BRINP1: variants seen among roughly 807,000 people sequenced by gnomAD.
BRINP1 encodes the protein BMP/retinoic acid-inducible neural-specific protein 1.
A neutral mutation model predicts 72.9 loss-of-function variants in BRINP1; 17 were observed. The ratio of observed to expected loss-of-function variants is 0.23; its 90% CI spans 0.16 to 0.35. The LOEUF (loss-of-function observed/expected upper bound fraction) is 0.35. Ranked by LOEUF, BRINP1 falls within the 10% of genes least tolerant of loss-of-function variation. The pLI is 1.00. For missense variants in BRINP1, 850 were observed against 1,001.6 expected, an observed-to-expected ratio of 0.85 and a Z score of 2.04; for synonymous variants, 418 against 378.5, an observed-to-expected ratio of 1.10 and a Z score of -1.21.
At chr9:119,305,787 C>T (rs1411401783) in intron 2 of BRINP1, among the ~76,000 whole-genome samples, 1 of 152,150 alleles carries the variant, frequency 6.6e-6, no homozygotes, top group African/African-American at 2.4e-5. Flanking sequence ...CAGTCAGTCT[C>T]CCCCAAAGAG....
At chr9:119,169,449 A>G (rs1829372285) in intron 7 of BRINP1, among the ~76,000 whole-genome samples, 1 of 152,200 alleles carries the variant, frequency 6.6e-6, no homozygotes. Flanking sequence ...GCACCGCGAG[A>G]TTATATTACC....
chr9:119,364,602 G>A (rs1831672831), intron 1 of BRINP1, among the ~76,000 whole-genome samples: 1 of 152,172 alleles, frequency 6.6e-6, no homozygotes, highest in African/African-American at 2.4e-5. Flanking sequence ...TAACTCAGTG[G>A]TCCAGTGAAA....
Position 119,194,845 on chromosome 9 carries a change from A to G in BRINP1, c.1145+13874T>C, listed in dbSNP as rs553893488. Reference sequence around the variant, plus strand: ...ATTTCAGCCTGTGAAGCATAAAGTGAAGACCCAGCTATACCATACCTAAAC... The same window carrying G: ...ATTTCAGCCTGTGAAGCATAAAGTGGAGACCCAGCTATACCATACCTAAAC... On this transcript the variant is annotated intron_variant, in intron 7 of 7. Coordinates refer to ENST00000265922, the MANE Select transcript of BRINP1 (RefSeq NM_014618.3). Among the ~76,000 whole-genome samples, 214 of 152,300 alleles carry G rather than the reference A, an allele frequency of 1.4e-3. 1 individual carries two copies. Among genetic ancestry groups the G allele is most frequent in the Non-Finnish European group, 2.0e-3 (139 of 68,026 alleles).
chr9:119,284,028 CA>C (rs1426350509), intron 2 of BRINP1, among the ~76,000 whole-genome samples: 1 of 152,132 alleles, frequency 6.6e-6, no homozygotes, highest in Non-Finnish European at 1.5e-5. Context: ...CGAATGAATC[CA>C]AATCTATAGT....
In BRINP1 at chr9:119,208,703, T is replaced by G; in HGVS notation, c.1145+16A>C. 4 of 1,610,162 alleles carry G rather than the reference T, an allele frequency of 2.5e-6. No individual in the cohort carries two copies. Among genetic ancestry groups the G allele is most frequent in the Non-Finnish European group, 3.4e-6 (4 of 1,178,230 alleles). The stretch of plus-strand genomic sequence containing the variant: ...AGGTAGGTGCCTGCAGAGGTGGAGG[T>G]GGTGGCAACACTTACCTCTCTCTAG... On this transcript the variant is annotated intron_variant, in intron 7 of 7. Transcript: ENST00000265922.
At chr9:119,227,172 G>A (rs1830100975) in intron 5 of BRINP1, among the ~76,000 whole-genome samples, 1 of 152,042 alleles carries the variant, frequency 6.6e-6, no homozygotes, top group Non-Finnish European at 1.5e-5. Context: ...CCAAATAAAT[G>A]AAGAACAATA....
In BRINP1 at chr9:119,318,844, GGTGTGTGTGT is replaced by G. The variant is rs56756136; in HGVS notation, c.-50-5449_-50-5440del. ...TCATACATGGAAGAGAAATGTGTGGGGTGTGTGTGTGTGTGTGTGTGTGTGTGTGTGTGTG... is the reference window on the plus strand; with the variant it reads ...TCATACATGGAAGAGAAATGTGTGGGGTGTGTGTGTGTGTGTGTGTGTGTG... On this transcript the variant is annotated intron_variant, in intron 1 of 7. Coordinates refer to ENST00000265922, the MANE Select transcript of BRINP1 (RefSeq NM_014618.3). Among the ~76,000 whole-genome samples the G allele has an allele frequency of 2.5e-3, 359 of 142,214 alleles. 2 individuals carry two copies. The highest frequency in any genetic ancestry group is 4.4e-3 in the Non-Finnish European group (284 of 63,988). 93.3% of individuals were successfully genotyped at this position (142,214 alleles called of 152,430 possible). A position where few individuals can be genotyped will look rare whatever the true frequency, so the allele number is the denominator to read the frequency against.
At chr9:119,238,783 T>C (rs768761353) in intron 4 of BRINP1, 23 bp from the exon 5 acceptor site, 2 of 1,481,604 alleles carry the variant, frequency 1.3e-6, no homozygotes, top group East Asian at 4.7e-5. Context: ...TCAAATAAGA[T>C]AGGTGTGAGA....
At chr9:119,264,481 TAG>T (rs907331166) in intron 2 of BRINP1, among the ~76,000 whole-genome samples, 56 of 152,340 alleles carry the variant, frequency 3.7e-4, no homozygotes, top group African/African-American at 1.3e-3. Context: ...ATGAGACAAA[TAG>T]GAAACTCTCT....
At chr9:119,263,037 G>T (rs1363272027) in intron 2 of BRINP1, among the ~76,000 whole-genome samples, 1 of 152,078 alleles carries the variant, frequency 6.6e-6, no homozygotes, top group Non-Finnish European at 1.5e-5. Context: ...CATATAAGTA[G>T]AACTTCTCAG....
rs190178927 is a variant in BRINP1 at position 119,254,464 on chromosome 9, G to A, written c.219-5314C>T. Among the ~76,000 whole-genome samples, 6 of 152,266 alleles carry A rather than the reference G, an allele frequency of 3.9e-5. No homozygotes were observed. In the East Asian group the frequency reaches 7.7e-4, roughly 20 times the overall value. ...ATAACAGCAAATGCAAAGGTCCTGGGGTGGAAATGTGTTTGACACATTTGG... is the reference window on the plus strand; with the variant it reads ...ATAACAGCAAATGCAAAGGTCCTGGAGTGGAAATGTGTTTGACACATTTGG... On this transcript the variant is annotated intron_variant, in intron 2 of 7. Transcript: ENST00000265922.
chr9:119,248,906 C>T (rs112945016), intron 3 of BRINP1, 54 bp downstream of exon 3: 3 of 1,499,356 alleles, frequency 2.0e-6, no homozygotes, highest in African/African-American at 2.8e-5. Flanking sequence ...CTCTCCCTTC[C>T]CATCCCAAAC....
rs1456784254 is a variant in BRINP1, at chr9:119,167,784, T to C, written c.1586A>G (p.Lys529Arg). 6.2e-7 allele frequency: 1 copy of C among 1,614,064 alleles called. No individual in the cohort carries two copies. Among genetic ancestry groups the C allele is most frequent in the East Asian group, 2.2e-5 (1 of 44,854 alleles). ...GAAGTCCATGCGGTTCTTGTTGCTC[T>C]TGAGAGTGAGGGACATGCGCTTGCG... Reference protein sequence around the residue: ...RWRKRMSLTLKSNKNRMDFIH... With the variant: ...RWRKRMSLTLRSNKNRMDFIH... Residue 529 changes from lysine to arginine, a missense_variant, in exon 8 of 8, where the codon AAG becomes AGG. Lys to Arg is a conservative substitution (Grantham distance 26). Coordinates refer to ENST00000265922, the MANE Select transcript of BRINP1 (RefSeq NM_014618.3). This position sits in a 1 kb window ranked among gnomAD's most constrained non-coding sequence, Gnocchi z 4.3.
intron 2 of BRINP1, among the ~76,000 whole-genome samples, chr9:119,304,909 A>T (rs1830979086): frequency 6.6e-6 from 1 of 152,144 alleles, no homozygotes; most frequent in Non-Finnish European, 1.5e-5. Flanking sequence ...TGCCCAAGCA[A>T]TTCTAACTTT....
At chr9:119,248,828 C>T (rs1280030642) in intron 3 of BRINP1, 132 bp downstream of exon 3, 2 of 774,776 alleles carry the variant, frequency 2.6e-6, no homozygotes, top group African/African-American at 3.5e-5. Context: ...GCTTACCTGG[C>T]TATAAATGCT....
chr9:119,245,555 G>T (rs1045785460), intron 3 of BRINP1, among the ~76,000 whole-genome samples: 1 of 152,112 alleles, frequency 6.6e-6, no homozygotes, highest in Non-Finnish European at 1.5e-5. Flanking sequence ...GTATTCACAT[G>T]ATGTATTTTA....
At chr9:119,207,166 A>G (rs1042421998) in intron 7 of BRINP1, among the ~76,000 whole-genome samples, 3 of 152,204 alleles carry the variant, frequency 2.0e-5, no homozygotes, top group Admixed American at 1.3e-4. Flanking sequence ...CAATCAGGAA[A>G]GACTTCATGG....
intron 5 of BRINP1, among the ~76,000 whole-genome samples, chr9:119,229,303 A>G (rs1476049687): frequency 6.6e-6 from 1 of 152,136 alleles, no homozygotes; most frequent in African/African-American, 2.4e-5. Context: ...GGTGGTAAAA[A>G]TAATACCTAA....
chr9:119,367,506 G>A (rs1034552521), intron 1 of BRINP1, among the ~76,000 whole-genome samples: 1 of 152,034 alleles, frequency 6.6e-6, no homozygotes, highest in Non-Finnish European at 1.5e-5. Flanking sequence ...GCCTTTAAGA[G>A]GCAGCTGGGA....
Sources: gnomAD v4.1 joint callset for allele counts (sites outside exome capture counted in the v4.1 genomes callset) on GRCh38, gnomAD v4.1.1 for gene constraint, Gnocchi (gnomAD v3.1) non-coding constraint, MANE v1.5 for transcripts, NCBI Gene and HGNC (gene_info 2026-07-23, HGNC 2026-07-21) for gene names.